FBXL17: variants seen among roughly 807,000 people sequenced by gnomAD.
FBXL17 encodes F-box/LRR-repeat protein 17.
In FBXL17, 22 loss-of-function variants were observed where a neutral mutation model predicts 66.2. That is an observed-to-expected ratio of 0.33 (90% CI 0.24 to 0.47). The LOEUF (loss-of-function observed/expected upper bound fraction) is 0.47. Among genes scored for constraint, FBXL17 ranks in the 20% least tolerant of loss-of-function variants. The pLI, the probability that FBXL17 is intolerant of heterozygous loss-of-function variation, is 1.00. For synonymous variants in FBXL17, 474 were observed against 400.5 expected, an observed-to-expected ratio of 1.18 and a Z score of -2.19; for missense variants, 878 against 948.2, an observed-to-expected ratio of 0.93 and a Z score of 0.97.
chr5:108,040,410 T>C (rs1054035981), intron 6 of FBXL17, among the ~76,000 whole-genome samples: 6 of 152,168 alleles, frequency 3.9e-5, no homozygotes, highest in African/African-American at 7.2e-5. Context: ...TGACCTAAAG[T>C]TATACTAGAT....
chr5:108,360,637 T>C (rs560675005), intron 3 of FBXL17, among the ~76,000 whole-genome samples: 1 of 152,246 alleles, frequency 6.6e-6, no homozygotes, highest in South Asian at 2.1e-4. Context: ...CCACCAAATT[T>C]CGGAAGTTTG....
intron 4 of FBXL17, among the ~76,000 whole-genome samples, chr5:108,227,917 T>C (rs148107683): frequency 6.6e-6 from 1 of 152,256 alleles, no homozygotes; most frequent in African/African-American, 2.4e-5. Context: ...AGAGGTTAAG[T>C]ACATGGTCAG....
chr5:108,310,774 G>A (rs909236344), intron 4 of FBXL17, among the ~76,000 whole-genome samples: 1 of 152,164 alleles, frequency 6.6e-6, no homozygotes, highest in African/African-American at 2.4e-5. Flanking sequence ...AATATGGAAT[G>A]TAAGTTTCTT....
rs570414695 is a variant in FBXL17, at chr5:107,979,405, T to A, written c.1822+41520A>T. 2.6e-5 allele frequency among the ~76,000 whole-genome samples: 4 copies of A among 152,370 alleles called. No homozygotes were observed. The South Asian group carries it at 6.2e-4, about 24-fold the overall frequency. On this transcript the variant is annotated intron_variant, in intron 7 of 8. Coordinates refer to ENST00000542267, the MANE Select transcript of FBXL17 (RefSeq NM_001163315.3). ...AGTGGACCCATCAATGTTAAGGGAA[T>A]CCATGGTAACCACACAAAGTAAACA...
At chr5:108,010,907 C>A (rs566926581) in intron 7 of FBXL17, among the ~76,000 whole-genome samples, 2 of 152,158 alleles carry the variant, frequency 1.3e-5, no homozygotes, top group Non-Finnish European at 2.9e-5. Context: ...ACATACCATT[C>A]CTGCCTTTCC....
At chr5:107,969,712 T>A (rs1253181423) in intron 7 of FBXL17, among the ~76,000 whole-genome samples, 1 of 152,174 alleles carries the variant, frequency 6.6e-6, no homozygotes, top group Non-Finnish European at 1.5e-5. Context: ...GGAATTGGCA[T>A]TTTTCAAGAA....
At chr5:107,898,941 T>C (rs1032609997) in intron 7 of FBXL17, among the ~76,000 whole-genome samples, 70 of 152,202 alleles carry the variant, frequency 4.6e-4, no homozygotes, top group Admixed American at 4.1e-3. Context: ...TGCATGTGTC[T>C]TTATAATAGA....
chr5:108,333,634 G>A (rs191561229), intron 4 of FBXL17, among the ~76,000 whole-genome samples: 3 of 151,980 alleles, frequency 2.0e-5, no homozygotes, highest in Admixed American at 1.3e-4. Flanking sequence ...TTTAGAAACT[G>A]TCAATTCTCA....
intron 6 of FBXL17, among the ~76,000 whole-genome samples, chr5:108,086,000 A>C (rs1561402583): frequency 6.6e-6 from 1 of 152,220 alleles, no homozygotes; most frequent in Middle Eastern, 3.4e-3. Context: ...TTCCCTTCTC[A>C]TATCCCCTGC....
At chr5:108,359,419 T>A (rs1748205490) in intron 3 of FBXL17, among the ~76,000 whole-genome samples, 1 of 152,176 alleles carries the variant, frequency 6.6e-6, no homozygotes, top group African/African-American at 2.4e-5. Context: ...TCTTTTTTAA[T>A]GTAAGATTGT....
Position 108,364,964 on chromosome 5 carries a change from G to A in FBXL17, c.1148C>T (p.Ser383Leu). ...GATTTCAATTATATTCTGACTTCTT[G>A]ATGCAATTTTTTCCAACAATTCATC... ...VTDELLEKIASRSQNIIEINI... is the reference protein window; with the variant it reads ...VTDELLEKIALRSQNIIEINI... The change falls in exon 3 of 9, where the codon TCA becomes TTA. Residue 383 changes from serine to leucine, a missense_variant. Coordinates refer to ENST00000542267, the MANE Select transcript of FBXL17 (RefSeq NM_001163315.3). The A allele has an allele frequency of 1.2e-6, 2 of 1,610,570 alleles. No homozygotes were observed. The highest frequency in any genetic ancestry group is 1.7e-6 in the Non-Finnish European group (2 of 1,177,604).
At chr5:108,000,474 AGTCT>A (rs1753680131) in intron 7 of FBXL17, among the ~76,000 whole-genome samples, 1 of 152,220 alleles carries the variant, frequency 6.6e-6, no homozygotes, top group Non-Finnish European at 1.5e-5. Context: ...AGGAAAATCC[AGTCT>A]GTTCTTTAGA....
intron 4 of FBXL17, chr5:108,298,218 A>G (rs540616415): frequency 1.0e-6 from 1 of 982,452 alleles, no homozygotes; most frequent in Non-Finnish European, 1.2e-6. Context: ...TGCCCCAACA[A>G]TAACTTTTTG....
intron 6 of FBXL17, among the ~76,000 whole-genome samples, chr5:108,099,264 T>A (rs1255722729): frequency 6.6e-6 from 1 of 152,224 alleles, no homozygotes; most frequent in African/African-American, 2.4e-5. Context: ...AATGTGATAC[T>A]GGGTACATAG....
intron 1 of FBXL17, among the ~76,000 whole-genome samples, chr5:108,379,618 G>C (rs1420224627): frequency 6.6e-6 from 1 of 152,178 alleles, no homozygotes; most frequent in Non-Finnish European, 1.5e-5. Context: ...TTCAGTAACG[G>C]TAAAAGTAGC....
chr5:108,175,344 G>A (rs1024451612), intron 6 of FBXL17, among the ~76,000 whole-genome samples: 11 of 152,116 alleles, frequency 7.2e-5, no homozygotes, highest in Admixed American at 6.5e-5. Flanking sequence ...TATGCCACCA[G>A]CAGAGCCATG....
In FBXL17 at chr5:107,930,932, T is replaced by A. The variant is rs182035634; in HGVS notation, c.1823-49753A>T. Among the ~76,000 whole-genome samples the A allele has an allele frequency of 4.1e-3, 619 of 152,352 alleles. 11 individuals carry two copies. Among genetic ancestry groups the A allele is most frequent in the East Asian group, 4.4e-3 (23 of 5,192 alleles). On this transcript the variant is annotated intron_variant, in intron 7 of 8. Coordinates refer to ENST00000542267, the MANE Select transcript of FBXL17 (RefSeq NM_001163315.3). ...GACATTTTCTATTGATTGTTCAGCA[T>A]CTTTTGGAAGTTAGTTCTATTTACC...
intron 7 of FBXL17, among the ~76,000 whole-genome samples, chr5:107,941,086 T>C (rs553698853): frequency 1.3e-4 from 20 of 149,718 alleles, no homozygotes; most frequent in African/African-American, 4.7e-4. Context: ...TTCTAAACAA[T>C]GTCTCAAACA....
intron 7 of FBXL17, among the ~76,000 whole-genome samples, chr5:107,882,650 A>G (rs1005100616): frequency 2.0e-5 from 3 of 152,210 alleles, no homozygotes; most frequent in Non-Finnish European, 4.4e-5. Flanking sequence ...AGAAGGAGCA[A>G]CATCCCAGGT....
Sources: allele counts gnomAD v4.1 joint callset (sites outside exome capture counted in the v4.1 genomes callset), GRCh38; gene constraint gnomAD v4.1.1; transcripts MANE v1.5; gene names NCBI Gene and HGNC (gene_info 2026-07-23, HGNC 2026-07-21).